Variants in NSD2 observed in about 807,000 individuals in gnomAD.
The protein encoded by NSD2 is nuclear receptor binding SET domain protein 2, also known as histone-lysine N-methyltransferase NSD2.
Under a neutral mutation model 139.0 loss-of-function variants are expected in NSD2, and 12 were observed. The ratio of observed to expected loss-of-function variants is 0.09; its 90% CI spans 0.06 to 0.14. The LOEUF is 0.14. Among genes scored for constraint, NSD2 ranks in the 10% least tolerant of loss-of-function variants. NSD2 has a pLI of 1.00. For missense variants in NSD2, 1,155 were observed against 1,745.0 expected, an observed-to-expected ratio of 0.66 and a Z score of 6.02; for synonymous variants, 669 against 648.7, an observed-to-expected ratio of 1.03 and a Z score of -0.48.
intron 12 of NSD2, 64 bp downstream of exon 12, chr4:1,953,588 C>T (rs900753853): frequency 4.0e-6 from 6 of 1,510,376 alleles, no homozygotes; most frequent in South Asian, 1.3e-5. Flanking sequence ...GGCCCATGGG[C>T]GCTTGGGAAG....
At chr4:1,878,221 C>T (rs868416730) in intron 1 of NSD2, among the ~76,000 whole-genome samples, 21 of 107,222 alleles carry the variant, frequency 2.0e-4, no homozygotes, top group South Asian at 3.0e-4. Context: ...CCACCATGCC[C>T]GGCTGATATA....
At chr4:1,967,714 G>C (rs1224638150) in intron 18 of NSD2, among the ~76,000 whole-genome samples, 2 of 152,192 alleles carry the variant, frequency 1.3e-5, no homozygotes, top group Non-Finnish European at 2.9e-5. Flanking sequence ...CTCTGACACA[G>C]TCAGTGTTGC....
chr4:1,885,125 A>T (rs1375195284), intron 1 of NSD2, among the ~76,000 whole-genome samples: 1 of 134,412 alleles, frequency 7.4e-6, no homozygotes, highest in Admixed American at 6.8e-5. Context: ...AAAAAAAATA[A>T]AAATAAAAAA....
chr4:1,941,627 A>C (rs911884553), intron 9 of NSD2: 11 of 1,036,536 alleles, frequency 1.1e-5, no homozygotes, highest in Non-Finnish European at 1.0e-5. Context: ...ATGTGAAATT[A>C]ATACACCTTC....
Position 1,939,762 on chromosome 4 carries a change from C to T in NSD2, c.1865C>T (p.Ser622Phe), listed in dbSNP as rs1722887455. The T allele has an allele frequency of 6.2e-7, 1 of 1,614,212 alleles. No homozygotes were observed. The highest frequency in any genetic ancestry group is 8.5e-7 in the Non-Finnish European group (1 of 1,180,028). Residue 622 changes from serine (S) to phenylalanine (F), a missense_variant, in exon 9 of 22, where the codon TCC becomes TTC. By Grantham distance (155) the Ser-to-Phe change is radical. This residue lies in a region of NSD2 where 420 missense variants were observed against 469.0 expected (regional missense o/e 0.90). Transcript: ENST00000508803. Reference sequence around the variant, plus strand: ...AGCAAAAGTTCATCTCCTTCTGCATCCTTAACTGAGAATGAGGTAAAATAA... The same window carrying T: ...AGCAAAAGTTCATCTCCTTCTGCATTCTTAACTGAGAATGAGGTAAAATAA... ...GFSKSSSPSASLTENEVSDSP... is the reference protein window; with the variant it reads ...GFSKSSSPSAFLTENEVSDSP...
At chr4:1,952,688 G>T in intron 11 of NSD2, 4 of 1,059,222 alleles carry the variant, frequency 3.8e-6, no homozygotes, top group Non-Finnish European at 4.6e-6. Flanking sequence ...TCAACAGAAA[G>T]AACAGCTCCA....
At position 1,979,167 on chromosome 4, in the gene NSD2, C is replaced by T; in HGVS notation, c.*258C>T. 2.5e-6 allele frequency: 1 copy of T among 398,100 alleles called. No homozygotes were observed. The highest frequency in any genetic ancestry group is 4.4e-6 in the Non-Finnish European group (1 of 227,090). The allele number at this position is 398,100 out of a possible 1,614,324, so 24.7% of individuals were successfully genotyped here. A position where few individuals can be genotyped will look rare whatever the true frequency, so the allele number is the denominator to read the frequency against. The stretch of plus-strand genomic sequence containing the variant: ...CTCACTCCTCAGCGTTACCGCCACA[C>T]TTGAATTTCTCCGAATGTCAAGGTT... On this transcript the variant is annotated 3_prime_UTR_variant, in exon 22 of 22. Coordinates refer to ENST00000508803, the MANE Select transcript of NSD2 (RefSeq NM_001042424.3).
chr4:1,956,108 C>T lies in NSD2; in HGVS notation c.2801C>T (p.Ala934Val), dbSNP rs1388626156. 2 of 1,613,902 alleles carry T rather than the reference C, an allele frequency of 1.2e-6. No individual in the cohort carries two copies. Among genetic ancestry groups the T allele is most frequent in the East Asian group, 2.2e-5 (1 of 44,890 alleles). ...GSKDYYWTHQ[A>V]RVFPYMEGDR... Reference sequence around the variant, plus strand: ...AAAGATTATTACTGGACGCATCAGGCGCGAGTGTTCCCGTACATGGAGGGG... The same window carrying T: ...AAAGATTATTACTGGACGCATCAGGTGCGAGTGTTCCCGTACATGGAGGGG... The change falls in exon 15 of 22, where the codon GCG (alanine) becomes GTG (valine). Residue 934 changes from alanine to valine, a missense_variant. Transcript: ENST00000508803. The surrounding 1 kb of genome is among the most constrained non-coding windows in gnomAD (Gnocchi z 5.3).
chr4:1,941,403 C>G (rs1034992666), intron 9 of NSD2: 1 of 1,049,374 alleles, frequency 9.5e-7, no homozygotes. Flanking sequence ...TCATGTATAT[C>G]GAAGGCTTTG....
intron 1 of NSD2, among the ~76,000 whole-genome samples, chr4:1,875,992 G>A (rs1714229935): frequency 6.6e-6 from 1 of 151,750 alleles, no homozygotes; most frequent in Admixed American, 6.6e-5. Flanking sequence ...GAGGCGGGTG[G>A]ATCATGAGGT....
At chr4:1,898,460 C>G (rs916209850) in intron 1 of NSD2, among the ~76,000 whole-genome samples, 15 of 152,124 alleles carry the variant, frequency 9.9e-5, no homozygotes, top group Middle Eastern at 6.8e-3. Context: ...GTCAGGAGAT[C>G]GAGACCATCC....
intron 2 of NSD2, among the ~76,000 whole-genome samples, chr4:1,903,983 G>C (rs1717550918): frequency 6.6e-6 from 1 of 152,034 alleles, no homozygotes; most frequent in African/African-American, 2.4e-5. Context: ...ATCCGCCCAC[G>C]TTGGCCTCCC....
chr4:1,888,286 C>G (rs1362727772), intron 1 of NSD2, among the ~76,000 whole-genome samples: 2 of 151,722 alleles, frequency 1.3e-5, no homozygotes, highest in Admixed American at 1.3e-4. Flanking sequence ...GTGTTGGGCA[C>G]CTGTAATCCT....
chr4:1,970,216 G>T (rs1726311635), intron 18 of NSD2, among the ~76,000 whole-genome samples: 1 of 152,126 alleles, frequency 6.6e-6, no homozygotes, highest in East Asian at 1.9e-4. Flanking sequence ...TAGATACCCA[G>T]GCAAAAAAAC....
At chr4:1,908,538 T>C (rs949715622) in intron 3 of NSD2, among the ~76,000 whole-genome samples, 42 of 152,090 alleles carry the variant, frequency 2.8e-4, no homozygotes, top group African/African-American at 9.2e-4. Context: ...ACCCTCCAAC[T>C]GAAAGGAGAT....
At chr4:1,906,692 ACT>A (rs1717960974) in intron 3 of NSD2, among the ~76,000 whole-genome samples, 1 of 107,812 alleles carries the variant, frequency 9.3e-6, no homozygotes, top group Admixed American at 1.3e-4. Flanking sequence ...ACACAGTTTC[ACT>A]CTGTCTCCCA....
Position 1,958,123 on chromosome 4 carries a change from TG to T in NSD2, c.2985+91del. 1 of 1,362,444 alleles carries T rather than the reference TG, an allele frequency of 7.3e-7. No homozygotes were observed. The highest frequency in any genetic ancestry group is 1.3e-5 in the South Asian group (1 of 79,210). The allele number at this position is 1,362,444 out of a possible 1,614,324, so 84.4% of individuals were successfully genotyped here. On this transcript the variant is annotated intron_variant, in intron 16 of 21. Transcript: ENST00000508803. The surrounding 1 kb of genome is among the most constrained non-coding windows in gnomAD (Gnocchi z 4.6). ...TTCTTAGGCACACCCAGGCTATGGC[TG>T]GGGAGAGGACTGTCACCAGCCAGGA...
chr4:1,874,742 AT>A (rs1714127396), intron 1 of NSD2, among the ~76,000 whole-genome samples: 1 of 152,198 alleles, frequency 6.6e-6, no homozygotes, highest in African/African-American at 2.4e-5. Context: ...TACCTCGTCA[AT>A]TTCTCTATCC....
chr4:1,971,475 CGAAAA>C (rs1726470705), intron 18 of NSD2, among the ~76,000 whole-genome samples: 1 of 151,972 alleles, frequency 6.6e-6, no homozygotes, highest in African/African-American at 2.4e-5. Context: ...TCAGCACTGT[CGAAAA>C]GAAGGACAGA....
Sources: gnomAD v4.1 joint callset for allele counts (sites outside exome capture counted in the v4.1 genomes callset) on GRCh38, gnomAD v4.1.1 for gene constraint, gnomAD v4.1.1 regional missense constraint, Gnocchi (gnomAD v3.1) non-coding constraint, MANE v1.5 for transcripts, NCBI Gene and HGNC (gene_info 2026-07-23, HGNC 2026-07-21) for gene names.